The following SNX29 variants were observed in gnomAD, a reference collection of about 807,000 sequenced individuals.
SNX29 encodes sorting nexin-29.
Under a neutral mutation model 102.1 loss-of-function variants are expected in SNX29, and 78 were observed. The observed-to-expected ratio is 0.76, with a 90% CI of 0.64 to 0.92. SNX29 has a LOEUF of 0.92. Among genes scored for constraint, SNX29 ranks in the 40% least tolerant of loss-of-function variants. The pLI is 0.00. For missense variants in SNX29, 1,280 were observed against 1,061.7 expected (o/e 1.21, Z -2.86); for synonymous variants, 580 against 414.5 (o/e 1.40, Z -4.85).
chr16:12,567,351 G>C (rs964075366), intron 20 of SNX29, among the ~76,000 whole-genome samples: 1 of 152,124 alleles, frequency 6.6e-6, no homozygotes, highest in Non-Finnish European at 1.5e-5. Context: ...ATCCTGTTAG[G>C]TTTTTGCCTT....
chr16:12,059,002 C>T (rs1172918383), intron 8 of SNX29, among the ~76,000 whole-genome samples: 1 of 151,864 alleles, frequency 6.6e-6, no homozygotes, highest in African/African-American at 2.4e-5. Context: ...CTCTTGGGCT[C>T]AAGTGATCCT....
chr16:12,005,220 T>C lies in SNX29; in HGVS notation c.122+2177T>C, dbSNP rs144760956. 4.6e-3 allele frequency among the ~76,000 whole-genome samples: 704 copies of C among 152,350 alleles called. 4 individuals are homozygous for C. The highest frequency in any genetic ancestry group is 0.016 in the African/African-American group (658 of 41,580). On this transcript the variant is annotated intron_variant, in intron 3 of 20. Transcript: ENST00000566228. Reference sequence around the variant, plus strand: ...TAGATCATTCGACTGATTGATCAATTTAGTCCTTCTTGAGGGCCTACTATG... The same window carrying C: ...TAGATCATTCGACTGATTGATCAATCTAGTCCTTCTTGAGGGCCTACTATG...
In SNX29 at chr16:12,574,038, A is replaced by G. The variant is rs2079241678; in HGVS notation, c.*5409A>G. ...AAGCAGGCCACATATCTAGAGTCTG[A>G]TAGTCTGTGTGTACATAAGGTCTAG... is the stretch of plus-strand genomic sequence containing the variant. On this transcript the variant is annotated 3_prime_UTR_variant, in exon 21 of 21. Coordinates refer to ENST00000566228, the MANE Select transcript of SNX29 (RefSeq NM_032167.5). 1 of 195,422 alleles carries G rather than the reference A, an allele frequency of 5.1e-6. No individual in the cohort carries two copies. Among genetic ancestry groups the G allele is most frequent in the East Asian group, 8.1e-5 (1 of 12,310 alleles). The allele number at this position is 195,422 out of a possible 1,614,324, so 12.1% of individuals were successfully genotyped here.
intron 18 of SNX29, among the ~76,000 whole-genome samples, chr16:12,468,775 G>A (rs561562112): frequency 1.7e-4 from 26 of 152,310 alleles, no homozygotes; most frequent in African/African-American, 5.5e-4. Flanking sequence ...GGGGGACAGC[G>A]GGGTTTGGGA....
intron 20 of SNX29, chr16:12,546,660 G>A (rs898147489): frequency 3.9e-5 from 6 of 152,114 alleles, no homozygotes; most frequent in African/African-American, 1.4e-4. Context: ...CAAGAAGAGT[G>A]GATAAATCTT....
At chr16:12,512,725 G>A (rs1041935104) in intron 19 of SNX29, among the ~76,000 whole-genome samples, 17 of 152,046 alleles carry the variant, frequency 1.1e-4, no homozygotes, top group Non-Finnish European at 1.9e-4. Context: ...TGCTTTCAGG[G>A]ACAACTAGGT....
At chr16:12,359,459 G>T (rs978672138) in intron 16 of SNX29, among the ~76,000 whole-genome samples, 5 of 152,136 alleles carry the variant, frequency 3.3e-5, no homozygotes, top group Non-Finnish European at 5.9e-5. Flanking sequence ...CACAGCCTTT[G>T]TCCATTTTTC....
intron 18 of SNX29, among the ~76,000 whole-genome samples, chr16:12,424,820 GGTTATA>G (rs1460111720): frequency 6.6e-6 from 1 of 152,190 alleles, no homozygotes; most frequent in Non-Finnish European, 1.5e-5. Context: ...TTAAGGATTA[GGTTATA>G]GTAATGAGAG....
chr16:12,342,504 C>T (rs1392223818), intron 15 of SNX29, among the ~76,000 whole-genome samples: 1 of 152,134 alleles, frequency 6.6e-6, no homozygotes, highest in African/African-American at 2.4e-5. Context: ...TTAAACTATA[C>T]CATCTCGTCT....
chr16:12,326,136 G>A (rs566448465), intron 15 of SNX29, among the ~76,000 whole-genome samples: 3 of 151,900 alleles, frequency 2.0e-5, no homozygotes, highest in East Asian at 2.0e-4. Flanking sequence ...AGCGATTCTC[G>A]TGCCTGGGAC....
intron 20 of SNX29, among the ~76,000 whole-genome samples, chr16:12,530,701 G>A (rs543260070): frequency 1.3e-5 from 2 of 152,118 alleles, no homozygotes; most frequent in South Asian, 2.1e-4. Context: ...AATTACAAGT[G>A]GCCGCTACCA....
In SNX29 at chr16:12,262,817, T is replaced by G. The variant is rs72786316; in HGVS notation, c.1679-15116T>G. ...TTCTAAGTGTATAATTCATTGGTTT[T>G]CCGTGTATTCACAGAGTTGTGCAAC... On this transcript the variant is annotated intron_variant, in intron 14 of 20. Coordinates refer to ENST00000566228, the MANE Select transcript of SNX29 (RefSeq NM_032167.5). 5.3e-3 allele frequency among the ~76,000 whole-genome samples: 810 copies of G among 152,338 alleles called. 6 individuals are homozygous for G. The highest frequency in any genetic ancestry group is 8.6e-3 in the Admixed American group (131 of 15,302).
chr16:12,077,957 C>A (rs1360023026), intron 10 of SNX29, among the ~76,000 whole-genome samples: 1 of 152,064 alleles, frequency 6.6e-6, no homozygotes, highest in Non-Finnish European at 1.5e-5. Flanking sequence ...CAACACATAA[C>A]CTGGTTTTAT....
chr16:12,354,061 A>ATTTAT (rs2082064862), intron 15 of SNX29, among the ~76,000 whole-genome samples: 1 of 152,156 alleles, frequency 6.6e-6, no homozygotes, highest in Non-Finnish European at 1.5e-5. Context: ...GATAACAGGA[A>ATTTAT]CTCTTTGTGA....
intron 16 of SNX29, among the ~76,000 whole-genome samples, chr16:12,366,689 T>G (rs2082495790): frequency 6.6e-6 from 1 of 152,214 alleles, no homozygotes; most frequent in Admixed American, 6.5e-5. Flanking sequence ...TTCTGCATTT[T>G]CTCCCACTCT....
chr16:12,564,463 G>C (rs1009753385), intron 20 of SNX29, among the ~76,000 whole-genome samples: 5 of 152,190 alleles, frequency 3.3e-5, no homozygotes, highest in Non-Finnish European at 7.3e-5. Context: ...GTTTTGGGGA[G>C]GTTATGGATC....
intron 6 of SNX29, 63 bp downstream of exon 6, chr16:12,046,517 G>T: frequency 6.6e-7 from 1 of 1,520,870 alleles, no homozygotes; most frequent in Non-Finnish European, 9.1e-7. Context: ...CTGCCTTGGG[G>T]CAGTTCCACA....
intron 6 of SNX29, among the ~76,000 whole-genome samples, chr16:12,048,059 T>C (rs1032600747): frequency 5.9e-5 from 9 of 152,026 alleles, no homozygotes; most frequent in Admixed American, 5.2e-4. Flanking sequence ...TGACCTCTTA[T>C]TCATATTCAT....
At chr16:12,561,721 G>A (rs533970389) in intron 20 of SNX29, among the ~76,000 whole-genome samples, 1 of 152,174 alleles carries the variant, frequency 6.6e-6, no homozygotes, top group Non-Finnish European at 1.5e-5. Flanking sequence ...GTGTTAAGTT[G>A]CTAGCAGCAG....
Sources: gnomAD v4.1 joint callset for allele counts (sites outside exome capture counted in the v4.1 genomes callset) on GRCh38, gnomAD v4.1.1 for gene constraint, MANE v1.5 for transcripts, NCBI Gene and HGNC (gene_info 2026-07-23, HGNC 2026-07-21) for gene names.